ANO2: variants seen among roughly 807,000 people sequenced by gnomAD.
The protein encoded by ANO2 is anoctamin 2.
ANO2 carries 101 observed loss-of-function variants against 124.2 expected under a neutral mutation model. The ratio of observed to expected loss-of-function variants is 0.81; its 90% CI spans 0.69 to 0.96. The LOEUF (loss-of-function observed/expected upper bound fraction) is 0.96. Ranked by LOEUF, ANO2 falls within the 40% of genes least tolerant of loss-of-function variation. ANO2 has a pLI of 0.00. For synonymous variants in ANO2, 486 were observed against 482.5 expected (o/e 1.01, Z -0.09); for missense variants, 1,293 against 1,274.5 (o/e 1.01, Z -0.22).
chr12:5,792,282 G>A (rs1952720216), intron 10 of ANO2, among the ~76,000 whole-genome samples: 1 of 152,178 alleles, frequency 6.6e-6, no homozygotes, highest in Non-Finnish European at 1.5e-5. Flanking sequence ...CACATACACA[G>A]GCACATTACC....
chr12:5,736,740 T>C (rs2137073028), intron 13 of ANO2, among the ~76,000 whole-genome samples: 1 of 152,290 alleles, frequency 6.6e-6, no homozygotes, highest in Admixed American at 6.5e-5. Context: ...CAGACTATAC[T>C]TTTTCCTTGT....
At chr12:5,682,154 A>G (rs1031388303) in intron 14 of ANO2, among the ~76,000 whole-genome samples, 1 of 152,192 alleles carries the variant, frequency 6.6e-6, no homozygotes, top group African/African-American at 2.4e-5. Flanking sequence ...TATGCTTCCT[A>G]TCCCACAGTT....
rs933009024 is a variant in ANO2, at chr12:5,900,620, G to T, written c.534+20420C>A. Among the ~76,000 whole-genome samples, 4 of 151,890 alleles carry T rather than the reference G, an allele frequency of 2.6e-5. No homozygotes were observed. Among genetic ancestry groups the T allele is most frequent in the African/African-American group, 9.7e-5 (4 of 41,352 alleles). The stretch of plus-strand genomic sequence containing the variant: ...ACTCTCCCTTTAAAAAAAAAACATG[G>T]GGGAGCATTTGCTCTACCTCCGCAT... On this transcript the variant is annotated intron_variant, in intron 3 of 24. Transcript: ENST00000682330. This position sits in a 1 kb window ranked among gnomAD's most constrained non-coding sequence, Gnocchi z 4.2.
At chr12:5,604,336 C>A (rs751536868) in intron 19 of ANO2, among the ~76,000 whole-genome samples, 7 of 152,128 alleles carry the variant, frequency 4.6e-5, no homozygotes, top group African/African-American at 1.4e-4. Flanking sequence ...GGGAAACCCA[C>A]GAGACAACTA....
chr12:5,941,525 A>G (rs1942894326), intron 1 of ANO2, among the ~76,000 whole-genome samples: 1 of 152,202 alleles, frequency 6.6e-6, no homozygotes, highest in East Asian at 1.9e-4. Context: ...AAAAAGAAGA[A>G]AAGAAAAGCA....
intron 20 of ANO2, among the ~76,000 whole-genome samples, chr12:5,588,377 C>T (rs1235757426): frequency 1.3e-5 from 2 of 152,238 alleles, no homozygotes; most frequent in African/African-American, 2.4e-5. Flanking sequence ...CATCCTTCCA[C>T]AGAAGCCCAA....
chr12:5,943,782 G>A (rs966128462), intron 1 of ANO2, among the ~76,000 whole-genome samples: 1 of 152,180 alleles, frequency 6.6e-6, no homozygotes, highest in Non-Finnish European at 1.5e-5. Context: ...TACATAGGGT[G>A]GGATGGGCTT....
chr12:5,827,752 C>T lies in ANO2; in HGVS notation c.892+17G>A. ...TCAGCGCCCGTCAGCACCCTGCCCG[C>T]GGGCTGGGGTCCTTACCCATCGTGT... On this transcript the variant is annotated intron_variant, in intron 7 of 24. Transcript: ENST00000682330. 6.8e-6 allele frequency: 11 copies of T among 1,606,596 alleles called. No homozygotes were observed. Among genetic ancestry groups the T allele is most frequent in the Non-Finnish European group, 5.9e-6 (7 of 1,176,952 alleles).
intron 3 of ANO2, among the ~76,000 whole-genome samples, chr12:5,871,229 T>C (rs971466229): frequency 6.6e-6 from 1 of 151,182 alleles, no homozygotes; most frequent in African/African-American, 2.5e-5. Context: ...TCTACATAGG[T>C]TGTAAATCGG....
At chr12:5,819,067 A>G (rs1040154256) in intron 7 of ANO2, among the ~76,000 whole-genome samples, 4 of 152,234 alleles carry the variant, frequency 2.6e-5, no homozygotes, top group Non-Finnish European at 5.9e-5. Flanking sequence ...TGAAAGGTGC[A>G]TTCACAGCCT....
Position 5,777,219 on chromosome 12 carries a change from C to T in ANO2, c.1055+22288G>A, listed in dbSNP as rs575914263. Among the ~76,000 whole-genome samples, 33 of 152,212 alleles carry T rather than the reference C, an allele frequency of 2.2e-4. No individual in the cohort carries two copies. In the South Asian group the frequency reaches 2.5e-3, roughly 12 times the overall value. On this transcript the variant is annotated intron_variant, in intron 10 of 24. Transcript: ENST00000682330. ...CTGTAGGTGAGGCACCAGCTTTAAC[C>T]AAGAGTTGTCAGCATTACAGATGAC...
chr12:5,796,013 C>G (rs917203491), intron 10 of ANO2, among the ~76,000 whole-genome samples: 2 of 152,152 alleles, frequency 1.3e-5, no homozygotes, highest in African/African-American at 4.8e-5. Flanking sequence ...ATGTTTCTGA[C>G]AAGGCACAAG....
At chr12:5,870,049 G>A (rs567229140) in intron 3 of ANO2, among the ~76,000 whole-genome samples, 48 of 152,306 alleles carry the variant, frequency 3.2e-4, no homozygotes, top group Non-Finnish European at 6.0e-4. Flanking sequence ...AGGAGATGAA[G>A]AGAGTAAGTA....
At chr12:5,666,912 T>C (rs1273836689) in intron 14 of ANO2, among the ~76,000 whole-genome samples, 1 of 152,186 alleles carries the variant, frequency 6.6e-6, no homozygotes, top group Non-Finnish European at 1.5e-5. Flanking sequence ...TTGTATCAGG[T>C]CTACCCCCAG....
chr12:5,888,085 G>A (rs1252840018), intron 3 of ANO2, among the ~76,000 whole-genome samples: 2 of 151,960 alleles, frequency 1.3e-5, no homozygotes, highest in African/African-American at 4.8e-5. Flanking sequence ...TTAAAGGCGG[G>A]GTGTCCGGAG....
chr12:5,711,157 CAAAA>C lies in ANO2; in HGVS notation c.1545+21359_1545+21362del, dbSNP rs200477878. ...TGGGCGACAGAGCGAGACTCTGTCT[CAAAA>C]AAAAAAAAAAAAATTGATCCCTAAT... is the stretch of plus-strand genomic sequence containing the variant. On this transcript the variant is annotated intron_variant, in intron 14 of 24. Coordinates refer to ENST00000682330, the MANE Select transcript of ANO2 (RefSeq NM_001364791.2). 3.2e-5 allele frequency among the ~76,000 whole-genome samples: 3 copies of C among 92,860 alleles called. No individual in the cohort carries two copies. In the East Asian group the frequency reaches 8.5e-4, roughly 26 times the overall value. The allele number at this position is 92,860 out of a possible 152,430, so 60.9% of individuals were successfully genotyped here.
intron 1 of ANO2, among the ~76,000 whole-genome samples, chr12:5,944,168 CAGAG>C (rs549892668): frequency 1.4e-3 from 209 of 152,320 alleles, no homozygotes; most frequent in Admixed American, 4.1e-3. Flanking sequence ...GCCAGGGTGA[CAGAG>C]AGACTGGGCA....
intron 15 of ANO2, among the ~76,000 whole-genome samples, chr12:5,647,444 G>A (rs1946698413): frequency 1.3e-5 from 2 of 152,152 alleles, no homozygotes; most frequent in African/African-American, 4.8e-5. Context: ...GCCCAAACAG[G>A]CTGCTGCAAT....
At chr12:5,867,177 A>G (rs191105725) in intron 3 of ANO2, among the ~76,000 whole-genome samples, 1 of 152,352 alleles carries the variant, frequency 6.6e-6, no homozygotes, top group East Asian at 1.9e-4. Context: ...GAACATGTAC[A>G]AAGAAGCTAT....
Sources: allele counts gnomAD v4.1 joint callset (sites outside exome capture counted in the v4.1 genomes callset), GRCh38; gene constraint gnomAD v4.1.1; non-coding constraint Gnocchi (gnomAD v3.1); transcripts MANE v1.5; gene names NCBI Gene and HGNC (gene_info 2026-07-23, HGNC 2026-07-21).